DLC1: variants seen among roughly 807,000 people sequenced by gnomAD.
DLC1 encodes the protein rho GTPase-activating protein 7.
In DLC1, 54 loss-of-function variants were observed where a neutral mutation model predicts 140.3. That is an observed-to-expected ratio of 0.38 (90% CI 0.31 to 0.48). The LOEUF is 0.48. Among genes scored for constraint, DLC1 ranks in the 20% least tolerant of loss-of-function variants. The pLI is 0.96. For synonymous variants in DLC1, 986 were observed against 728.1 expected (o/e 1.35, Z -5.70); for missense variants, 2,536 against 1,907.0 (o/e 1.33, Z -6.14).
intron 5 of DLC1, chr8:13,304,671 A>G: frequency 3.2e-6 from 3 of 946,916 alleles, no homozygotes; most frequent in Non-Finnish European, 3.8e-6. Flanking sequence ...ATAAGATAGT[A>G]TGATTTTTTA....
At position 13,090,284 on chromosome 8, in the gene DLC1, T is replaced by C. The variant is rs1585573208; in HGVS notation, c.4042A>G (p.Thr1348Ala). 2 of 1,614,022 alleles carry C rather than the reference T, an allele frequency of 1.2e-6. No homozygotes were observed. Among genetic ancestry groups the C allele is most frequent in the African/African-American group, 1.3e-5 (1 of 74,912 alleles). The change falls in exon 15 of 18, where the codon ACT becomes GCT. Residue 1348 changes from threonine to alanine, a missense_variant. By Grantham distance (58) the Thr-to-Ala change is moderately conservative. Coordinates refer to ENST00000276297, the MANE Select transcript of DLC1 (RefSeq NM_182643.3). ...EKFKGWVSYSTSEQAELSYKK... is the reference protein window; with the variant it reads ...EKFKGWVSYSASEQAELSYKK... ...TAGGACAGCTCAGCCTGCTCCGAAGTGGAGTAGCTGACCCAGCCTTTAAAC... is the reference window on the plus strand; with the variant it reads ...TAGGACAGCTCAGCCTGCTCCGAAGCGGAGTAGCTGACCCAGCCTTTAAAC...
At chr8:13,355,644 G>C (rs2117051172) in intron 4 of DLC1, among the ~76,000 whole-genome samples, 1 of 152,220 alleles carries the variant, frequency 6.6e-6, no homozygotes, top group East Asian at 1.9e-4. Flanking sequence ...TCTGGGGTTA[G>C]GGCTTCAATA....
chr8:13,219,936 G>A (rs755890591), intron 5 of DLC1, among the ~76,000 whole-genome samples: 13 of 152,114 alleles, frequency 8.5e-5, no homozygotes, highest in African/African-American at 1.2e-4. Context: ...GCTACATACT[G>A]TCTTAATTCC....
At chr8:13,217,564 G>A (rs1247898998) in intron 5 of DLC1, among the ~76,000 whole-genome samples, 1 of 152,184 alleles carries the variant, frequency 6.6e-6, no homozygotes, top group African/African-American at 2.4e-5. Context: ...GGCTGGCATG[G>A]TGGCTCACGC....
In DLC1 at chr8:13,295,942, G is replaced by GTTTTTTTTTT. The variant is rs71207138; in HGVS notation, c.1348+9317_1348+9326dup. 2.3e-4 allele frequency among the ~76,000 whole-genome samples: 17 copies of GTTTTTTTTTT among 72,896 alleles called. 2 individuals are homozygous for GTTTTTTTTTT. Among genetic ancestry groups the GTTTTTTTTTT allele is most frequent in the East Asian group, 5.7e-4 (1 of 1,768 alleles). The allele number at this position is 72,896 out of a possible 152,430, so 47.8% of individuals were successfully genotyped here. A position where few individuals can be genotyped will look rare whatever the true frequency, so the allele number is the denominator to read the frequency against. On this transcript the variant is annotated intron_variant, in intron 5 of 17. Transcript: ENST00000276297. ...AAGAGATGATCAGATAAGATTCTTT[G>GTTTTTTTTTT]TTTTTTTTTTTTTTTTTTTTTTTTT...
intron 5 of DLC1, among the ~76,000 whole-genome samples, chr8:13,116,601 T>C (rs1473931504): frequency 6.6e-6 from 1 of 152,200 alleles, no homozygotes; most frequent in Non-Finnish European, 1.5e-5. Flanking sequence ...CTCAAGCAAG[T>C]GGGAGACTAA....
At chr8:13,297,356 G>GAA (rs1832003155) in intron 5 of DLC1, among the ~76,000 whole-genome samples, 2 of 131,470 alleles carry the variant, frequency 1.5e-5, no homozygotes, top group Admixed American at 8.6e-5. Flanking sequence ...TTCTGAGAAT[G>GAA]AAAGAGAATA....
intron 2 of DLC1, among the ~76,000 whole-genome samples, chr8:13,423,743 C>T (rs184819659): frequency 5.9e-5 from 9 of 152,196 alleles, no homozygotes; most frequent in Non-Finnish European, 8.8e-5. Flanking sequence ...AGGGCAAATA[C>T]ATGAGAAAGT....
chr8:13,400,195 T>A (rs1207634014), intron 3 of DLC1, among the ~76,000 whole-genome samples: 1 of 152,176 alleles, frequency 6.6e-6, no homozygotes, highest in Non-Finnish European at 1.5e-5. Context: ...CTTATTCATC[T>A]CTAGCTCAAG....
chr8:13,512,804 A>T (rs1295309395), intron 1 of DLC1, among the ~76,000 whole-genome samples: 1 of 152,152 alleles, frequency 6.6e-6, no homozygotes, highest in East Asian at 1.9e-4. Context: ...TAATATAATT[A>T]TTAGCATATG....
intron 5 of DLC1, among the ~76,000 whole-genome samples, chr8:13,132,435 A>C (rs1376430844): frequency 1.3e-5 from 2 of 152,272 alleles, no homozygotes; most frequent in East Asian, 3.9e-4. Flanking sequence ...GTGATGAAAA[A>C]AAAAAATTTC....
chr8:13,354,952 CAAAA>C (rs33950865), intron 4 of DLC1, among the ~76,000 whole-genome samples: 8 of 106,974 alleles, frequency 7.5e-5, no homozygotes, highest in African/African-American at 1.1e-4. Flanking sequence ...GACACTGGCT[CAAAA>C]AAAAAAAAAA....
At chr8:13,470,074 T>TC (rs1800138064) in intron 2 of DLC1, among the ~76,000 whole-genome samples, 1 of 152,148 alleles carries the variant, frequency 6.6e-6, no homozygotes. Flanking sequence ...CAACCTTATT[T>TC]TTTTCCCCCT....
At chr8:13,338,082 C>T (rs1235583094) in intron 4 of DLC1, among the ~76,000 whole-genome samples, 2 of 152,120 alleles carry the variant, frequency 1.3e-5, no homozygotes, top group East Asian at 3.9e-4. Flanking sequence ...CATAACATTG[C>T]TTTGCAAATA....
intron 4 of DLC1, among the ~76,000 whole-genome samples, chr8:13,361,007 G>C (rs1563284217): frequency 6.6e-6 from 1 of 152,066 alleles, no homozygotes; most frequent in Non-Finnish European, 1.5e-5. Context: ...GAGGCGGGCA[G>C]AATGTTTGAG....
intron 5 of DLC1, among the ~76,000 whole-genome samples, chr8:13,269,668 C>G (rs2117373968): frequency 7.3e-6 from 1 of 137,586 alleles, no homozygotes; most frequent in African/African-American, 2.9e-5. Flanking sequence ...GATACTACTG[C>G]ACTCCAACCT....
chr8:13,407,742 T>C (rs1263667091), intron 2 of DLC1, among the ~76,000 whole-genome samples: 1 of 152,190 alleles, frequency 6.6e-6, no homozygotes, highest in Non-Finnish European at 1.5e-5. Flanking sequence ...CTATGCTGTC[T>C]TCAATTCCAT....
intron 5 of DLC1, among the ~76,000 whole-genome samples, chr8:13,185,980 C>G (rs917668361): frequency 5.9e-5 from 9 of 152,206 alleles, no homozygotes; most frequent in African/African-American, 2.2e-4. Flanking sequence ...TTGACCCCCA[C>G]TCTCTTCTGG....
chr8:13,566,916 GGT>G lies in DLC1; in HGVS notation c.-126+37619_-126+37620del. 6 of 1,451,650 alleles carry G rather than the reference GGT, an allele frequency of 4.1e-6. No individual in the cohort carries two copies. The South Asian group carries it at 8.8e-5, about 21-fold the overall frequency. 89.9% of individuals were successfully genotyped at this position (1,451,650 alleles called of 1,614,324 possible). On this transcript the variant is annotated intron_variant, in intron 1 of 1. Transcript: ENST00000631382. ...TGGCATTGAGATCCATTCCCGGAGG[GGT>G]CAGCTCCTGACGGGTTCCTGAGCCA...
Sources: gnomAD v4.1 joint callset for allele counts (sites outside exome capture counted in the v4.1 genomes callset) on GRCh38, gnomAD v4.1.1 for gene constraint, MANE v1.5 for transcripts, NCBI Gene and HGNC (gene_info 2026-07-23, HGNC 2026-07-21) for gene names.